Variants in RALY observed in about 807,000 individuals in gnomAD.
The protein encoded by RALY is RALY heterogeneous nuclear ribonucleoprotein.
In RALY, 15 loss-of-function variants were observed where a neutral mutation model predicts 30.7. That is an observed-to-expected ratio of 0.49 (90% CI 0.33 to 0.75). RALY has a LOEUF of 0.75. Ranked by LOEUF, RALY falls within the 30% of genes least tolerant of loss-of-function variation. The pLI, the probability that RALY is intolerant of heterozygous loss-of-function variation, is 0.02. For synonymous variants in RALY, 177 were observed against 170.8 expected, an observed-to-expected ratio of 1.04 and a Z score of -0.28; for missense variants, 339 against 414.3, an observed-to-expected ratio of 0.82 and a Z score of 1.58.
chr20:34,080,560 A>C lies in RALY; in HGVS notation c.*655A>C, dbSNP rs1014809647. ...TTCCCAGCTCTTAAAAGGATTCTAG[A>C]GTCTGCCAGTCTCTACCTTCTCTCT... On this transcript the variant is annotated 3_prime_UTR_variant, in exon 10 of 10. Coordinates refer to ENST00000246194, the MANE Select transcript of RALY (RefSeq NM_016732.3). The C allele has an allele frequency of 6.6e-6, 1 of 152,230 alleles. No homozygotes were observed. Among genetic ancestry groups the C allele is most frequent in the Non-Finnish European group, 1.5e-5 (1 of 68,084 alleles). The allele number at this position is 152,230 out of a possible 1,614,324, so 9.4% of individuals were successfully genotyped here. A position where few individuals can be genotyped will look rare whatever the true frequency, so the allele number is the denominator to read the frequency against.
chr20:34,078,957 T>G (rs1315473274), intron 9 of RALY, among the ~76,000 whole-genome samples: 1 of 152,162 alleles, frequency 6.6e-6, no homozygotes, highest in Non-Finnish European at 1.5e-5. Flanking sequence ...TGCTAGTGAT[T>G]GAGGGAGCAA....
intron 1 of RALY, among the ~76,000 whole-genome samples, chr20:34,014,630 G>T (rs1478185011): frequency 6.6e-6 from 1 of 152,128 alleles, no homozygotes; most frequent in East Asian, 1.9e-4. Context: ...TTAAAAAGCA[G>T]TCTGATTCTT....
At chr20:34,021,664 G>A (rs2031827159) in intron 1 of RALY, among the ~76,000 whole-genome samples, 1 of 152,056 alleles carries the variant, frequency 6.6e-6, no homozygotes, top group Admixed American at 6.6e-5. Context: ...TAGCAGTCAT[G>A]GCCATAAAAG....
chr20:34,057,623 C>T (rs1339354819), intron 2 of RALY, among the ~76,000 whole-genome samples: 9 of 149,096 alleles, frequency 6.0e-5, no homozygotes, highest in Non-Finnish European at 1.3e-4. Context: ...GCCGAGATGG[C>T]GCCACTGCAC....
intron 9 of RALY, 99 bp downstream of exon 9, chr20:34,078,652 C>G (rs2033962271): frequency 1.7e-6 from 2 of 1,187,220 alleles, no homozygotes; most frequent in African/African-American, 1.6e-5. Context: ...CGAAGCATAC[C>G]TGGCCAAGTA....
chr20:34,035,497 C>G (rs917326036), intron 2 of RALY, among the ~76,000 whole-genome samples: 4 of 151,962 alleles, frequency 2.6e-5, no homozygotes, highest in African/African-American at 9.7e-5. Flanking sequence ...GCTTAGAACC[C>G]AGAAGAATCT....
chr20:34,029,393 G>A (rs1014305792), intron 1 of RALY, among the ~76,000 whole-genome samples: 1 of 150,636 alleles, frequency 6.6e-6, no homozygotes, highest in Non-Finnish European at 1.5e-5. Flanking sequence ...AGCCAAGATC[G>A]CGCCAGGATA....
At chr20:34,059,689 T>C (rs562328907) in intron 2 of RALY, among the ~76,000 whole-genome samples, 1 of 152,326 alleles carries the variant, frequency 6.6e-6, no homozygotes, top group Admixed American at 6.5e-5. Context: ...CTATGCCTGT[T>C]GTGGTAGGAG....
Position 34,080,119 on chromosome 20 carries a change from A to C in RALY, c.*214A>C, listed in dbSNP as rs2034004201. The stretch of plus-strand genomic sequence containing the variant: ...TTCCCCATGAGCCCTCCCTGTCTGC[A>C]CTGCCCAGGCCAGAGGGTAGAGCAC... On this transcript the variant is annotated 3_prime_UTR_variant, in exon 10 of 10. Transcript: ENST00000246194. 6.6e-6 allele frequency: 1 copy of C among 152,572 alleles called. No homozygotes were observed. Among genetic ancestry groups the C allele is most frequent in the African/African-American group, 2.4e-5 (1 of 41,438 alleles). 9.5% of individuals were successfully genotyped at this position (152,572 alleles called of 1,614,324 possible). A position where few individuals can be genotyped will look rare whatever the true frequency, so the allele number is the denominator to read the frequency against.
chr20:34,045,917 G>A (rs1304338808), intron 2 of RALY, among the ~76,000 whole-genome samples: 1 of 152,136 alleles, frequency 6.6e-6, no homozygotes, highest in African/African-American at 2.4e-5. Flanking sequence ...CTGGTGTCTG[G>A]CTCTTCATTT....
intron 1 of RALY, among the ~76,000 whole-genome samples, chr20:34,000,221 G>A (rs1464065836): frequency 6.6e-6 from 1 of 152,194 alleles, no homozygotes. Context: ...ACAGAGTGCA[G>A]TGGAATAAAT....
intron 2 of RALY, among the ~76,000 whole-genome samples, chr20:34,050,325 A>G (rs563206350): frequency 6.6e-6 from 1 of 152,366 alleles, no homozygotes; most frequent in Non-Finnish European, 1.5e-5. Context: ...CCCATGTGCC[A>G]GAGACTTTGC....
chr20:34,000,861 A>G (rs1203607505), intron 1 of RALY, among the ~76,000 whole-genome samples: 1 of 152,210 alleles, frequency 6.6e-6, no homozygotes, highest in African/African-American at 2.4e-5. Context: ...GTTAATTGTA[A>G]TTATCTAATA....
At chr20:34,046,483 T>C (rs1444718399) in intron 2 of RALY, among the ~76,000 whole-genome samples, 2 of 152,182 alleles carry the variant, frequency 1.3e-5, no homozygotes, top group African/African-American at 4.8e-5. Flanking sequence ...GAGAAACTCT[T>C]ATTCACTCCT....
intron 2 of RALY, among the ~76,000 whole-genome samples, chr20:34,067,654 T>TG (rs1167143285): frequency 5.3e-5 from 8 of 152,220 alleles, no homozygotes; most frequent in Non-Finnish European, 1.2e-4. Flanking sequence ...GCCCATCCCT[T>TG]TGAGCCGTAA....
intron 1 of RALY, among the ~76,000 whole-genome samples, chr20:34,021,272 C>T (rs941172447): frequency 2.0e-5 from 3 of 151,942 alleles, no homozygotes; most frequent in Non-Finnish European, 4.4e-5. Flanking sequence ...TGAAAGTCAC[C>T]GTCTTAGTCC....
intron 2 of RALY, among the ~76,000 whole-genome samples, chr20:34,057,661 C>T (rs1371086718): frequency 6.0e-5 from 8 of 132,558 alleles, no homozygotes; most frequent in Admixed American, 4.4e-4. Context: ...AGCGAGACTC[C>T]GTCTCAAAAA....
At chr20:34,005,655 G>A (rs1036383058) in intron 1 of RALY, among the ~76,000 whole-genome samples, 6 of 152,146 alleles carry the variant, frequency 3.9e-5, no homozygotes, top group Non-Finnish European at 8.8e-5. Flanking sequence ...TACTATGTGC[G>A]AAGCCTTTTA....
Position 34,076,059 on chromosome 20 carries a change from T to C in RALY, c.544+19T>C. The C allele has an allele frequency of 6.3e-7, 1 of 1,593,136 alleles. No individual in the cohort carries two copies. Among genetic ancestry groups the C allele is most frequent in the Non-Finnish European group, 8.6e-7 (1 of 1,165,744 alleles). On this transcript the variant is annotated intron_variant, in intron 6 of 9. Coordinates refer to ENST00000246194, the MANE Select transcript of RALY (RefSeq NM_016732.3). Reference sequence around the variant, plus strand: ...ATCAAGTGTGAGTGACTGTATCATATTCCTAAGTAATTTGCATTTTTATCA... The same window carrying C: ...ATCAAGTGTGAGTGACTGTATCATACTCCTAAGTAATTTGCATTTTTATCA...
Sources: gnomAD v4.1 joint callset for allele counts (sites outside exome capture counted in the v4.1 genomes callset) on GRCh38, gnomAD v4.1.1 for gene constraint, MANE v1.5 for transcripts, NCBI Gene and HGNC (gene_info 2026-07-23, HGNC 2026-07-21) for gene names.